CSMD1: variants seen among roughly 807,000 people sequenced by gnomAD.
CSMD1 encodes the protein CUB and Sushi multiple domains 1.
In CSMD1, 213 loss-of-function variants were observed where a neutral mutation model predicts 417.5. That is an observed-to-expected ratio of 0.51 (90% CI 0.46 to 0.57). CSMD1 has a LOEUF of 0.57. Ranked by LOEUF, CSMD1 falls within the 20% of genes least tolerant of loss-of-function variation. The pLI, the probability that CSMD1 is intolerant of heterozygous loss-of-function variation, is 0.00. For missense variants in CSMD1, 6,923 were observed against 4,529.7 expected (o/e 1.53, Z -15.17); for synonymous variants, 2,862 against 1,736.8 (o/e 1.65, Z -16.11).
chr8:4,347,900 A>C (rs1416165627), intron 3 of CSMD1, among the ~76,000 whole-genome samples: 1 of 144,426 alleles, frequency 6.9e-6, no homozygotes, highest in Non-Finnish European at 1.6e-5. Flanking sequence ...AGAAAAAAAT[A>C]AAAAGTTAAA....
At chr8:4,381,825 A>G (rs540506308) in intron 3 of CSMD1, among the ~76,000 whole-genome samples, 3 of 151,854 alleles carry the variant, frequency 2.0e-5, no homozygotes, top group East Asian at 3.9e-4. Context: ...CATCTTTTCT[A>G]TCTCCTGCTT....
At chr8:4,645,345 C>A (rs1803452312) in intron 1 of CSMD1, among the ~76,000 whole-genome samples, 1 of 145,660 alleles carries the variant, frequency 6.9e-6, no homozygotes, top group Non-Finnish European at 1.5e-5. Context: ...GTAATGTTTT[C>A]ACCTACTGAG....
At chr8:3,790,446 G>C (rs1191797772) in intron 5 of CSMD1, among the ~76,000 whole-genome samples, 1 of 152,142 alleles carries the variant, frequency 6.6e-6, no homozygotes, top group African/African-American at 2.4e-5. Flanking sequence ...TGGTGATGAT[G>C]ACACGGTTAT....
intron 1 of CSMD1, among the ~76,000 whole-genome samples, chr8:4,742,345 G>A (rs1012198148): frequency 2.0e-5 from 3 of 151,772 alleles, no homozygotes; most frequent in African/African-American, 4.8e-5. Context: ...TGAATTTTGA[G>A]AAGCACATCT....
chr8:3,633,131 G>A (rs1015030823), intron 7 of CSMD1, among the ~76,000 whole-genome samples: 1 of 152,144 alleles, frequency 6.6e-6, no homozygotes, highest in South Asian at 2.1e-4. Context: ...CTAACTTTAT[G>A]TTACCAAGAA....
intron 26 of CSMD1, among the ~76,000 whole-genome samples, chr8:3,244,524 T>G (rs765793265): frequency 1.1e-4 from 17 of 152,198 alleles, no homozygotes; most frequent in Non-Finnish European, 5.9e-5. Flanking sequence ...GCTTTTACAC[T>G]GTACATACAT....
chr8:4,770,312 G>A (rs539185874), intron 1 of CSMD1, among the ~76,000 whole-genome samples: 1 of 147,188 alleles, frequency 6.8e-6, no homozygotes, highest in Non-Finnish European at 1.5e-5. Flanking sequence ...TATATAATTA[G>A]CAACTATATA....
chr8:4,746,880 A>C (rs116445800), intron 1 of CSMD1, among the ~76,000 whole-genome samples: 1 of 152,350 alleles, frequency 6.6e-6, no homozygotes, highest in African/African-American at 2.4e-5. Context: ...CTTTAAAAGC[A>C]TAATTGACTT....
rs568631979 is a variant in CSMD1, at chr8:3,518,931, T to G, written c.1345-25205A>C. Reference sequence around the variant, plus strand: ...TGAGAGCTGTTGAATCTCCTCATATTGTCCCTTTTATTTGGTTTCAACACA... The same window carrying G: ...TGAGAGCTGTTGAATCTCCTCATATGGTCCCTTTTATTTGGTTTCAACACA... On this transcript the variant is annotated intron_variant, in intron 10 of 69. Coordinates refer to ENST00000635120, the MANE Select transcript of CSMD1 (RefSeq NM_033225.6). Among the ~76,000 whole-genome samples, 24 of 152,232 alleles carry G rather than the reference T, an allele frequency of 1.6e-4. 1 individual carries two copies. Among genetic ancestry groups the G allele is most frequent in the Non-Finnish European group, 2.8e-4 (19 of 68,030 alleles).
intron 5 of CSMD1, among the ~76,000 whole-genome samples, chr8:3,809,519 G>T (rs766851075): frequency 6.6e-6 from 1 of 152,172 alleles, no homozygotes; most frequent in Non-Finnish European, 1.5e-5. Flanking sequence ...GGTCATCCCA[G>T]AAATTAGTGG....
chr8:3,715,507 T>C (rs566016281), intron 6 of CSMD1, among the ~76,000 whole-genome samples: 1 of 152,164 alleles, frequency 6.6e-6, no homozygotes, highest in Non-Finnish European at 1.5e-5. Flanking sequence ...CCATTTCCCA[T>C]CTTTACAAAC....
chr8:3,275,018 T>C (rs1290976832), intron 26 of CSMD1, among the ~76,000 whole-genome samples: 3 of 138,780 alleles, frequency 2.2e-5, no homozygotes, highest in East Asian at 4.3e-4. Context: ...AGTTTCTTCC[T>C]AGCCTTGATG....
intron 1 of CSMD1, among the ~76,000 whole-genome samples, chr8:4,723,787 T>TAAAAAAAAAAAAAAAAAAAAAA (rs57096241): frequency 7.6e-6 from 1 of 131,494 alleles, no homozygotes. Flanking sequence ...CTTTCGAATG[T>TAAAAAAAAAAAAAAAAAAAAAA]AAAAAAAAAA....
At chr8:4,206,066 C>G (rs1164849697) in intron 3 of CSMD1, among the ~76,000 whole-genome samples, 14 of 152,102 alleles carry the variant, frequency 9.2e-5, no homozygotes, top group Non-Finnish European at 2.9e-5. Context: ...ATCCATTCTT[C>G]CCAATTCAAA....
intron 62 of CSMD1, among the ~76,000 whole-genome samples, chr8:2,959,439 T>C (rs997540581): frequency 7.9e-5 from 12 of 152,210 alleles, no homozygotes; most frequent in Non-Finnish European, 1.6e-4. Flanking sequence ...CAACTCTCCA[T>C]GCAAGCATGT....
At chr8:4,452,301 G>C (rs891970272) in intron 2 of CSMD1, among the ~76,000 whole-genome samples, 1 of 152,134 alleles carries the variant, frequency 6.6e-6, no homozygotes, top group Non-Finnish European at 1.5e-5. Context: ...CAACTATTTA[G>C]GTGAATTATT....
chr8:3,257,545 G>C (rs755508550), intron 26 of CSMD1, among the ~76,000 whole-genome samples: 2 of 152,234 alleles, frequency 1.3e-5, no homozygotes, highest in Non-Finnish European at 2.9e-5. Context: ...CACTGAGAGT[G>C]CTGGGGGGCA....
intron 5 of CSMD1, among the ~76,000 whole-genome samples, chr8:3,923,082 G>A (rs1809389635): frequency 6.6e-6 from 1 of 152,058 alleles, no homozygotes; most frequent in Non-Finnish European, 1.5e-5. Flanking sequence ...GAGCCCAGTT[G>A]CGAAGGGCCC....
At chr8:3,533,150 T>C (rs181844510) in intron 10 of CSMD1, among the ~76,000 whole-genome samples, 3 of 152,276 alleles carry the variant, frequency 2.0e-5, no homozygotes, top group Admixed American at 2.0e-4. Context: ...GAGGAAGAAA[T>C]TTAAAGATCA....
Sources: gnomAD v4.1 joint callset for allele counts (sites outside exome capture counted in the v4.1 genomes callset) on GRCh38, gnomAD v4.1.1 for gene constraint, MANE v1.5 for transcripts, NCBI Gene and HGNC (gene_info 2026-07-23, HGNC 2026-07-21) for gene names.